CRMP1: variants seen among roughly 807,000 people sequenced by gnomAD.
CRMP1 encodes the protein collapsin response mediator protein 1.
Under a neutral mutation model 68.3 loss-of-function variants are expected in CRMP1, and 19 were observed. That is an observed-to-expected ratio of 0.28 (90% confidence interval 0.19 to 0.41). CRMP1 has a LOEUF of 0.41. CRMP1 is among the 10% of genes least tolerant of loss of function. The pLI, the probability that CRMP1 is intolerant of heterozygous loss-of-function variation, is 1.00. For synonymous variants in CRMP1, 439 were observed against 399.6 expected (o/e 1.10, Z -1.18); for missense variants, 791 against 967.4 (o/e 0.82, Z 2.42).
chr4:5,892,795 C>A lies in CRMP1; in HGVS notation c.175G>T (p.Gly59Cys). 5.3e-6 allele frequency: 7 copies of A among 1,326,632 alleles called. No individual in the cohort carries two copies. The highest frequency in any genetic ancestry group is 1.8e-5 in the South Asian group (1 of 54,170). The allele number at this position is 1,326,632 out of a possible 1,614,324, so 82.2% of individuals were successfully genotyped here. Residue 59 changes from glycine (G) to cysteine (C), a missense_variant, in exon 1 of 14, where the codon GGC (glycine) becomes TGC (cysteine). Gly to Cys is a radical substitution (Grantham distance 159, BLOSUM62 -3). This residue lies in a region of CRMP1 where 193 missense variants were observed against 186.3 expected (regional missense o/e 1.04). Transcript: ENST00000324989. The surrounding 1 kb of genome is among the most constrained non-coding windows in gnomAD (Gnocchi z 8.6). ...GCGCTGCGCGGCGTGCGCGCCGAGC[C>A]GCGGCGGCCCACACTGTAGGCGTCG... ...DFDAYSVGRR[G>C]SARTPRSAGR...
intron 9 of CRMP1, among the ~76,000 whole-genome samples, chr4:5,837,998 G>T (rs956484119): frequency 2.6e-5 from 4 of 152,186 alleles, no homozygotes; most frequent in African/African-American, 9.7e-5. Context: ...CATGGGCGCT[G>T]TTAGAGTGAG....
In CRMP1 at chr4:5,891,546, C is replaced by T. The variant is rs148104131; in HGVS notation, c.381+1043G>A. On this transcript the variant is annotated intron_variant, in intron 1 of 13. Coordinates refer to ENST00000324989, the MANE Select transcript of CRMP1 (RefSeq NM_001014809.3). This position sits in a 1 kb window ranked among gnomAD's most constrained non-coding sequence, Gnocchi z 5.2. Reference sequence around the variant, plus strand: ...TTTAATTCTCACAATGAATCCGTCGCTCACCCTAGCCTGGGAACTTCTGGA... The same window carrying T: ...TTTAATTCTCACAATGAATCCGTCGTTCACCCTAGCCTGGGAACTTCTGGA... Among the ~76,000 whole-genome samples the T allele has an allele frequency of 3.6e-3, 555 of 152,352 alleles. 6 individuals are homozygous for T. The highest frequency in any genetic ancestry group is 0.013 in the African/African-American group (534 of 41,584).
In CRMP1 at chr4:5,839,651, G is replaced by A. The variant is rs756727397; in HGVS notation, c.1181C>T (p.Ala394Val). The A allele has an allele frequency of 4.3e-6, 7 of 1,612,838 alleles. No individual in the cohort carries two copies. The highest frequency in any genetic ancestry group is 5.1e-6 in the Non-Finnish European group (6 of 1,179,492). ...KGPLVFGEPI[A>V]ASLGTDGTHY... ...GGTGCCATCGGTCCCCAGGCTGGCGGCAATGGGCTCTCCAAAAACTAGGGG... is the reference window on the plus strand; with the variant it reads ...GGTGCCATCGGTCCCCAGGCTGGCGACAATGGGCTCTCCAAAAACTAGGGG... The change falls in exon 9 of 14, where the codon GCC becomes GTC. Residue 394 changes from alanine to valine, a missense_variant. Coordinates refer to ENST00000324989, the MANE Select transcript of CRMP1 (RefSeq NM_001014809.3).
At chr4:5,846,857 T>G (rs1041797553) in intron 6 of CRMP1, among the ~76,000 whole-genome samples, 3 of 141,808 alleles carry the variant, frequency 2.1e-5, no homozygotes, top group Non-Finnish European at 4.5e-5. Flanking sequence ...TCAGGTGATC[T>G]GCCCGCCTTG....
chr4:5,833,253 G>A lies in CRMP1; in HGVS notation c.1623+2662C>T, dbSNP rs890784671. Among the ~76,000 whole-genome samples the A allele has an allele frequency of 5.0e-5, 4 of 80,346 alleles. 1 individual carries two copies. The highest frequency in any genetic ancestry group is 2.2e-4 in the African/African-American group (4 of 17,806). The allele number at this position is 80,346 out of a possible 152,430, so 52.7% of individuals were successfully genotyped here. ...GGGATCTCGGCTCACCGCAAGCTCC[G>A]CCTCCCGGGTTCACGCCATTCTCCT... On this transcript the variant is annotated intron_variant, in intron 11 of 13. Transcript: ENST00000324989.
Position 5,860,955 on chromosome 4 carries a change from A to G in CRMP1, c.655+71T>C, listed in dbSNP as rs1021013725. On this transcript the variant is annotated intron_variant, in intron 3 of 13. Coordinates refer to ENST00000324989, the MANE Select transcript of CRMP1 (RefSeq NM_001014809.3). The surrounding 1 kb of genome is among the most constrained non-coding windows in gnomAD (Gnocchi z 4.2). The stretch of plus-strand genomic sequence containing the variant: ...GCAGAGAGCCTCGAACACACTGAGC[A>G]CTTGTGATGCTGGTGATGGGGAGGA... The G allele has an allele frequency of 2.0e-6, 3 of 1,496,448 alleles. No individual in the cohort carries two copies. The highest frequency in any genetic ancestry group is 2.7e-6 in the Non-Finnish European group (3 of 1,094,780). The allele number at this position is 1,496,448 out of a possible 1,614,324, so 92.7% of individuals were successfully genotyped here. A position where few individuals can be genotyped will look rare whatever the true frequency, so the allele number is the denominator to read the frequency against.
chr4:5,883,963 C>A lies in CRMP1; in HGVS notation c.381+8626G>T, dbSNP rs1221305504. Among the ~76,000 whole-genome samples, 1 of 152,130 alleles carries A rather than the reference C, an allele frequency of 6.6e-6. No homozygotes were observed. The highest frequency in any genetic ancestry group is 2.4e-5 in the African/African-American group (1 of 41,436). ...TTGATTTAAACAAAATAATGTTTTC[C>A]CTAAAAATGGTCCACTTCTTCCTCT... On this transcript the variant is annotated intron_variant, in intron 1 of 13. Transcript: ENST00000324989. This position sits in a 1 kb window ranked among gnomAD's most constrained non-coding sequence, Gnocchi z 4.5.
rs963326084 is a variant in CRMP1, at chr4:5,851,315, T to C, written c.882+93A>G. 9.5e-6 allele frequency: 11 copies of C among 1,156,806 alleles called. No homozygotes were observed. The African/African-American group carries it at 1.5e-4, about 16-fold the overall frequency. The allele number at this position is 1,156,806 out of a possible 1,614,324, so 71.7% of individuals were successfully genotyped here. Reference sequence around the variant, plus strand: ...ACCAGGACTCGAATCCCACGGCTTCTCACAATCTCCCTTGCCCTGTGCTGC... The same window carrying C: ...ACCAGGACTCGAATCCCACGGCTTCCCACAATCTCCCTTGCCCTGTGCTGC... On this transcript the variant is annotated intron_variant, in intron 5 of 13. Transcript: ENST00000324989.
At chr4:5,864,560 C>T (rs1482749234) in intron 2 of CRMP1, among the ~76,000 whole-genome samples, 1 of 152,176 alleles carries the variant, frequency 6.6e-6, no homozygotes, top group Non-Finnish European at 1.5e-5. Context: ...CCTACAGGTG[C>T]TGGGCCCCAG....
chr4:5,841,423 C>T lies in CRMP1; in HGVS notation c.1038G>A (p.Glu346=). Reference sequence around the variant, plus strand: ...TGATGGCCCGGAACACCGCCTCGGCCTCCAGCTGAACACGGCACACACAGT... The same window carrying T: ...TGATGGCCCGGAACACCGCCTCGGCTTCCAGCTGAACACGGCACACACAGT... ...GHALSRPEEL[E]AEAVFRAITI... The change falls in exon 8 of 14, where the codon GAG becomes GAA. Residue 346 remains glutamate, a synonymous_variant. Coordinates refer to ENST00000324989, the MANE Select transcript of CRMP1 (RefSeq NM_001014809.3). This position sits in a 1 kb window ranked among gnomAD's most constrained non-coding sequence, Gnocchi z 6.9. The T allele has an allele frequency of 1.2e-6, 2 of 1,614,188 alleles. No homozygotes were observed. The highest frequency in any genetic ancestry group is 1.7e-6 in the Non-Finnish European group (2 of 1,180,030).
rs771797216 is a variant in CRMP1 at position 5,836,917 on chromosome 4, C to T, written c.1311-11G>A. The T allele has an allele frequency of 2.5e-6, 4 of 1,604,066 alleles. No homozygotes were observed. Among genetic ancestry groups the T allele is most frequent in the South Asian group, 1.1e-5 (1 of 89,294 alleles). On this transcript the variant is annotated splice_polypyrimidine_tract_variant and intron_variant, in intron 9 of 13. Coordinates refer to ENST00000324989, the MANE Select transcript of CRMP1 (RefSeq NM_001014809.3). Reference sequence around the variant, plus strand: ...ACCTGCAAGTCCCCACTGGCAAGGACAAAACAAGGTAGAGTTCAGACCCTA... The same window carrying T: ...ACCTGCAAGTCCCCACTGGCAAGGATAAAACAAGGTAGAGTTCAGACCCTA...
In CRMP1 at chr4:5,872,932, C is replaced by A. The variant is rs1310804988; in HGVS notation, c.382-6176G>T. On this transcript the variant is annotated intron_variant, in intron 1 of 13. Coordinates refer to ENST00000324989, the MANE Select transcript of CRMP1 (RefSeq NM_001014809.3). This position sits in a 1 kb window ranked among gnomAD's most constrained non-coding sequence, Gnocchi z 4.6. ...CTTATTATCCATGTGACTTACCGAG[C>A]CTCAGTTTCCTTGTCTATGAGATGG... is the stretch of plus-strand genomic sequence containing the variant. 1.3e-5 allele frequency among the ~76,000 whole-genome samples: 2 copies of A among 152,190 alleles called. No homozygotes were observed. Among genetic ancestry groups the A allele is most frequent in the Non-Finnish European group, 2.9e-5 (2 of 68,048 alleles).
chr4:5,826,921 T>G (rs1355861145), intron 12 of CRMP1: 2 of 152,942 alleles, frequency 1.3e-5, no homozygotes, highest in Non-Finnish European at 2.9e-5. Flanking sequence ...CCCTCCCCTC[T>G]GTCCCTGGAG....
chr4:5,875,019 G>C (rs1714713815), intron 1 of CRMP1, among the ~76,000 whole-genome samples: 1 of 152,196 alleles, frequency 6.6e-6, no homozygotes, highest in Admixed American at 6.5e-5. Flanking sequence ...AAGAGAAAGG[G>C]ATTCTTCTCC....
At chr4:5,844,840 C>A (rs1712065898) in intron 6 of CRMP1, among the ~76,000 whole-genome samples, 1 of 152,208 alleles carries the variant, frequency 6.6e-6, no homozygotes, top group Admixed American at 6.5e-5. Context: ...AGCCATTCCT[C>A]TCTTAGGTAT....
Position 5,891,353 on chromosome 4 carries a change from G to A in CRMP1, c.381+1236C>T, listed in dbSNP as rs908516190. Among the ~76,000 whole-genome samples the A allele has an allele frequency of 6.6e-6, 1 of 152,066 alleles. No homozygotes were observed. The highest frequency in any genetic ancestry group is 2.4e-5 in the African/African-American group (1 of 41,412). On this transcript the variant is annotated intron_variant, in intron 1 of 13. Coordinates refer to ENST00000324989, the MANE Select transcript of CRMP1 (RefSeq NM_001014809.3). The surrounding 1 kb of genome is among the most constrained non-coding windows in gnomAD (Gnocchi z 5.2). ...CCAGTTCCCTGCTCCTATTCCTCCA[G>A]GAAGCCCTCCCAGATATCTGCCCCG... is the stretch of plus-strand genomic sequence containing the variant.
intron 6 of CRMP1, among the ~76,000 whole-genome samples, chr4:5,847,485 C>T (rs1328092385): frequency 6.6e-6 from 1 of 152,180 alleles, no homozygotes; most frequent in Non-Finnish European, 1.5e-5. Context: ...CTTGTATAAT[C>T]CCTTCTTTTT....
In CRMP1 at chr4:5,838,673, GCA is replaced by G. The variant is rs1720886394; in HGVS notation, c.1310+847_1310+848del. Among the ~76,000 whole-genome samples, 1 of 152,202 alleles carries G rather than the reference GCA, an allele frequency of 6.6e-6. No individual in the cohort carries two copies. Among genetic ancestry groups the G allele is most frequent in the African/African-American group, 2.4e-5 (1 of 41,450 alleles). On this transcript the variant is annotated intron_variant, in intron 9 of 13. Coordinates refer to ENST00000324989, the MANE Select transcript of CRMP1 (RefSeq NM_001014809.3). The surrounding 1 kb of genome is among the most constrained non-coding windows in gnomAD (Gnocchi z 4.9). ...TGAGCTGCCCACCAGACATTGGACTGCAGATGTTGAGTAAGCCCTTGGCTACG... is the reference window on the plus strand; with the variant it reads ...TGAGCTGCCCACCAGACATTGGACTGGATGTTGAGTAAGCCCTTGGCTACG...
intron 13 of CRMP1, chr4:5,824,631 C>T: frequency 2.1e-6 from 2 of 950,474 alleles, no homozygotes; most frequent in African/African-American, 1.8e-5. Context: ...ATAGTTTGTA[C>T]ATTTTCAAAT....
Sources: allele counts gnomAD v4.1 joint callset (sites outside exome capture counted in the v4.1 genomes callset), GRCh38; gene constraint gnomAD v4.1.1; regional missense constraint gnomAD v4.1.1; non-coding constraint Gnocchi (gnomAD v3.1); transcripts MANE v1.5; gene names NCBI Gene and HGNC (gene_info 2026-07-23, HGNC 2026-07-21).